Variants in SDK1 observed in about 807,000 individuals in gnomAD.
SDK1 encodes the protein protein sidekick-1.
A neutral mutation model predicts 245.5 loss-of-function variants in SDK1; 157 were observed. The observed-to-expected ratio is 0.64, with a 90% CI of 0.56 to 0.73. The LOEUF (loss-of-function observed/expected upper bound fraction) is 0.73. Ranked by LOEUF, SDK1 falls within the 30% of genes least tolerant of loss-of-function variation. The probability of loss-of-function intolerance (pLI) is 0.00; values close to 1 mark genes in which losing one functional copy is unlikely to be tolerated. For missense variants in SDK1, 3,583 were observed against 3,002.3 expected (o/e 1.19, Z -4.52); for synonymous variants, 1,647 against 1,278.5 (o/e 1.29, Z -6.15).
rs151259653 is a variant in SDK1, at chr7:4,107,387, G to A, written c.3325-3276G>A. On this transcript the variant is annotated intron_variant, in intron 22 of 44. Transcript: ENST00000404826. ...TGAGCTACGCACGTGAGCCACGTGC[G>A]CCCTGACTGCTGGCTCTTTCCTTAG... 6.8e-3 allele frequency among the ~76,000 whole-genome samples: 1,039 copies of A among 152,204 alleles called. 10 individuals carry two copies. The highest frequency in any genetic ancestry group is 0.024 in the African/African-American group (991 of 41,506).
intron 4 of SDK1, among the ~76,000 whole-genome samples, chr7:3,747,805 G>A (rs866117556): frequency 6.6e-6 from 1 of 151,990 alleles, no homozygotes; most frequent in African/African-American, 2.4e-5. Flanking sequence ...GGAGGATTAA[G>A]GTGTGAGGTA....
At chr7:3,800,633 G>A (rs1041543948) in intron 4 of SDK1, among the ~76,000 whole-genome samples, 1 of 152,102 alleles carries the variant, frequency 6.6e-6, no homozygotes, top group Non-Finnish European at 1.5e-5. Context: ...GCTTCCCAAA[G>A]TGCTGGGATT....
At chr7:4,137,933 A>G (rs983045835) in intron 28 of SDK1, among the ~76,000 whole-genome samples, 1 of 152,234 alleles carries the variant, frequency 6.6e-6, no homozygotes, top group South Asian at 2.1e-4. Context: ...ATGTACAGAA[A>G]AAAAGCTGTC....
chr7:3,743,497 C>T (rs1310412486), intron 4 of SDK1, among the ~76,000 whole-genome samples: 1 of 152,128 alleles, frequency 6.6e-6, no homozygotes, highest in African/African-American at 2.4e-5. Flanking sequence ...CAAGCAGCCC[C>T]TGAGAAAATA....
At chr7:3,872,970 C>T (rs936026563) in intron 5 of SDK1, among the ~76,000 whole-genome samples, 19 of 152,136 alleles carry the variant, frequency 1.2e-4, no homozygotes, top group African/African-American at 4.1e-4. Context: ...TTTAACCAGT[C>T]AGTAATCTTT....
intron 1 of SDK1, among the ~76,000 whole-genome samples, chr7:3,534,450 G>A (rs1024744130): frequency 6.6e-6 from 1 of 152,056 alleles, no homozygotes. Flanking sequence ...AATTTTTTGA[G>A]AAACCTCCAT....
At chr7:3,696,402 A>T (rs1784572876) in intron 4 of SDK1, among the ~76,000 whole-genome samples, 1 of 152,138 alleles carries the variant, frequency 6.6e-6, no homozygotes, top group Non-Finnish European at 1.5e-5. Context: ...GCAAGGAATG[A>T]TTGATTGCTT....
At chr7:3,586,089 G>T (rs1031101942) in intron 1 of SDK1, among the ~76,000 whole-genome samples, 8 of 152,142 alleles carry the variant, frequency 5.3e-5, no homozygotes, top group African/African-American at 1.7e-4. Context: ...GCTGGCCCAG[G>T]AGAGAAGCAG....
chr7:3,929,321 A>G (rs1449618999), intron 5 of SDK1, among the ~76,000 whole-genome samples: 9 of 152,216 alleles, frequency 5.9e-5, no homozygotes, highest in African/African-American at 2.2e-4. Flanking sequence ...GCCAGCTGTA[A>G]TCTGCCAGCT....
chr7:3,953,732 A>G (rs1487387000), intron 7 of SDK1, among the ~76,000 whole-genome samples: 1 of 152,168 alleles, frequency 6.6e-6, no homozygotes, highest in Non-Finnish European at 1.5e-5. Context: ...TTTTACATTT[A>G]TATCTGATTA....
At chr7:4,135,275 G>A (rs1284750327) in intron 28 of SDK1, among the ~76,000 whole-genome samples, 1 of 152,206 alleles carries the variant, frequency 6.6e-6, no homozygotes, top group Non-Finnish European at 1.5e-5. Context: ...TGAGGATCTG[G>A]AGAAACAAGA....
intron 10 of SDK1, among the ~76,000 whole-genome samples, chr7:3,968,761 T>C (rs1298537723): frequency 7.2e-5 from 11 of 152,242 alleles, no homozygotes; most frequent in East Asian, 3.8e-4. Context: ...GCTTCAGTTA[T>C]TTCTTTTCCT....
intron 2 of SDK1, among the ~76,000 whole-genome samples, chr7:3,638,646 A>T (rs1188454723): frequency 1.8e-5 from 1 of 56,242 alleles, no homozygotes; most frequent in Non-Finnish European, 3.2e-5. Flanking sequence ...GGGTGGGGGG[A>T]GGGGGGAGGG....
chr7:3,719,553 C>G (rs1320674672), intron 4 of SDK1, among the ~76,000 whole-genome samples: 3 of 152,076 alleles, frequency 2.0e-5, no homozygotes, highest in Non-Finnish European at 4.4e-5. Flanking sequence ...AAAAGGTGGC[C>G]TTTACAATAA....
At chr7:3,811,277 T>C (rs1331984376) in intron 4 of SDK1, among the ~76,000 whole-genome samples, 1 of 152,134 alleles carries the variant, frequency 6.6e-6, no homozygotes. Context: ...CAGTTCCACT[T>C]CTCTTGCCCC....
intron 4 of SDK1, among the ~76,000 whole-genome samples, chr7:3,785,294 T>C (rs1161340875): frequency 6.6e-6 from 1 of 152,110 alleles, no homozygotes. Context: ...GTGAATATAG[T>C]TAATAATAGA....
intron 1 of SDK1, among the ~76,000 whole-genome samples, chr7:3,446,216 G>A (rs375286082): frequency 6.6e-6 from 1 of 152,058 alleles, no homozygotes; most frequent in Non-Finnish European, 1.5e-5. Context: ...GCTACTATGT[G>A]CTTGGCATGG....
chr7:3,523,864 G>A (rs1284269121), intron 1 of SDK1, among the ~76,000 whole-genome samples: 5 of 152,034 alleles, frequency 3.3e-5, no homozygotes, highest in African/African-American at 7.2e-5. Flanking sequence ...TGTACATTTG[G>A]TTTTCTACCC....
At chr7:4,001,653 T>G (rs1785082318) in intron 14 of SDK1, among the ~76,000 whole-genome samples, 1 of 152,236 alleles carries the variant, frequency 6.6e-6, no homozygotes, top group Non-Finnish European at 1.5e-5. Context: ...ACCTTTATGG[T>G]TTCTCTAAAG....
Sources: gnomAD v4.1 joint callset for allele counts (sites outside exome capture counted in the v4.1 genomes callset) on GRCh38, gnomAD v4.1.1 for gene constraint, MANE v1.5 for transcripts, NCBI Gene and HGNC (gene_info 2026-07-23, HGNC 2026-07-21) for gene names.